Variants in CDC37L1 observed in about 807,000 individuals in gnomAD.
CDC37L1 encodes hsp90 co-chaperone Cdc37-like 1.
In CDC37L1, 32 loss-of-function variants were observed where a neutral mutation model predicts 45.9. That is an observed-to-expected ratio of 0.70 (90% CI 0.53 to 0.94). The LOEUF (loss-of-function observed/expected upper bound fraction) is 0.94, where lower values mean the gene tolerates loss of function less well. Among genes scored for constraint, CDC37L1 ranks in the 40% least tolerant of loss-of-function variants. The probability of loss-of-function intolerance (pLI) is 0.00; values close to 1 mark genes in which losing one functional copy is unlikely to be tolerated. For missense variants in CDC37L1, 434 were observed against 405.7 expected (o/e 1.07, Z -0.60); for synonymous variants, 150 against 133.0 (o/e 1.13, Z -0.88).
chr9:4,703,589 C>A (rs1262368040), intron 6 of CDC37L1, among the ~76,000 whole-genome samples: 1 of 151,992 alleles, frequency 6.6e-6, no homozygotes, highest in Admixed American at 6.6e-5. Context: ...ACTGTGAAAT[C>A]CAATATATAA....
intron 6 of CDC37L1, chr9:4,703,204 A>C (rs1841415908): frequency 7.9e-7 from 1 of 1,258,942 alleles, no homozygotes; most frequent in African/African-American, 1.5e-5. Flanking sequence ...AAACCTCATA[A>C]AGTGCTAAAA....
chr9:4,687,402 G>A (rs12349904), intron 2 of CDC37L1, among the ~76,000 whole-genome samples: 3,629 of 152,224 alleles, frequency 0.024, 116 homozygotes, highest in African/African-American at 0.072. Flanking sequence ...CAAAGGGCCA[G>A]GCACAGTGGC....
intron 2 of CDC37L1, among the ~76,000 whole-genome samples, chr9:4,687,406 C>G (rs1841256909): frequency 6.6e-6 from 1 of 152,148 alleles, no homozygotes; most frequent in African/African-American, 2.4e-5. Flanking sequence ...GGGCCAGGCA[C>G]AGTGGCTCAT....
chr9:4,682,866 C>T (rs1333571833), intron 1 of CDC37L1, among the ~76,000 whole-genome samples: 6 of 151,276 alleles, frequency 4.0e-5, no homozygotes, highest in Admixed American at 4.0e-4. Flanking sequence ...CTGTTTTAAG[C>T]ATAGCTAGTC....
chr9:4,687,678 CAAAAAAAAA>C (rs59932144), intron 2 of CDC37L1, among the ~76,000 whole-genome samples: 4 of 58,408 alleles, frequency 6.8e-5, no homozygotes, highest in Admixed American at 6.7e-4. Flanking sequence ...GACCCCATCT[CAAAAAAAAA>C]AAAAAAAAAA....
chr9:4,696,495 A>C (rs112498313), intron 3 of CDC37L1, among the ~76,000 whole-genome samples: 2 of 151,812 alleles, frequency 1.3e-5, no homozygotes, highest in African/African-American at 4.8e-5. Flanking sequence ...GAAAAAAAAG[A>C]AGAGAAAAAA....
chr9:4,697,299 T>A, intron 4 of CDC37L1, 88 bp downstream of exon 4: 2 of 692,106 alleles, frequency 2.9e-6, no homozygotes, highest in South Asian at 1.7e-5. Flanking sequence ...TTTTCTACAT[T>A]AAGTCCTTTA....
rs779441172 is a variant in CDC37L1, at chr9:4,701,972, A to G, written c.856A>G (p.Asn286Asp). 139 of 1,553,390 alleles carry G rather than the reference A, an allele frequency of 8.9e-5. No homozygotes were observed. Among genetic ancestry groups the G allele is most frequent in the Non-Finnish European group, 1.2e-4 (134 of 1,154,446 alleles). Residue 286 changes from asparagine to aspartate, a missense_variant, in exon 6 of 7, where the codon AAT (asparagine) becomes GAT (aspartate). Asn to Asp is a conservative substitution (Grantham distance 23). Coordinates refer to ENST00000381854, the MANE Select transcript of CDC37L1 (RefSeq NM_017913.4). Reference protein sequence around the residue: ...SQSFQPMTVQNHVPHSGVGSI... With the variant: ...SQSFQPMTVQDHVPHSGVGSI... ...AAGTTTTCAACCTATGACAGTTCAG[A>G]ATCATGTTCCCCATTCTGGTGTTGG...
intron 3 of CDC37L1, among the ~76,000 whole-genome samples, chr9:4,693,946 C>A (rs2130849513): frequency 6.6e-6 from 1 of 152,138 alleles, no homozygotes; most frequent in East Asian, 1.9e-4. Context: ...TGAACCTGGG[C>A]CATTTAGCTC....
At chr9:4,690,073 A>T (rs956141946) in intron 3 of CDC37L1, among the ~76,000 whole-genome samples, 7 of 152,178 alleles carry the variant, frequency 4.6e-5, no homozygotes, top group African/African-American at 1.7e-4. Flanking sequence ...AAGTGTTGTA[A>T]CCCATCTGGC....
chr9:4,681,074 A>G (rs1168009505), intron 1 of CDC37L1, among the ~76,000 whole-genome samples: 2 of 152,212 alleles, frequency 1.3e-5, no homozygotes, highest in Non-Finnish European at 2.9e-5. Context: ...TTGGATCACT[A>G]GTGTCATCTT....
intron 3 of CDC37L1, among the ~76,000 whole-genome samples, chr9:4,690,432 C>T (rs997811708): frequency 3.9e-5 from 6 of 152,016 alleles, no homozygotes; most frequent in African/African-American, 7.2e-5. Context: ...TGGTGTTTTT[C>T]GCTACTAGTA....
intron 6 of CDC37L1, 63 bp downstream of exon 6, chr9:4,702,091 TG>T (rs1452120047): frequency 2.4e-5 from 20 of 825,624 alleles, no homozygotes; most frequent in Non-Finnish European, 3.5e-5. Context: ...TTTGTTATTT[TG>T]CCCCACTCTT....
At chr9:4,695,743 G>A (rs749557061) in intron 3 of CDC37L1, among the ~76,000 whole-genome samples, 2 of 152,004 alleles carry the variant, frequency 1.3e-5, no homozygotes, top group Non-Finnish European at 2.9e-5. Flanking sequence ...CCATTCCTCT[G>A]GCCTCAGCCT....
rs1841166621 is a variant in CDC37L1 at position 4,679,649 on chromosome 9, A to G, written c.-119A>G. 3 of 928,350 alleles carry G rather than the reference A, an allele frequency of 3.2e-6. No individual in the cohort carries two copies. The highest frequency in any genetic ancestry group is 4.7e-6 in the Non-Finnish European group (3 of 641,094). 57.5% of individuals were successfully genotyped at this position (928,350 alleles called of 1,614,324 possible). On this transcript the variant is annotated 5_prime_UTR_variant, in exon 1 of 7. Coordinates refer to ENST00000381854, the MANE Select transcript of CDC37L1 (RefSeq NM_017913.4). ...CGCGGCCAGTAGAGGGATTCTGGGTAACGGCCCGGACCCCCGGCTGGGCTT... is the reference window on the plus strand; with the variant it reads ...CGCGGCCAGTAGAGGGATTCTGGGTGACGGCCCGGACCCCCGGCTGGGCTT...
At chr9:4,703,117 T>C in intron 6 of CDC37L1, 1 of 1,537,402 alleles carries the variant, frequency 6.5e-7, no homozygotes, top group Non-Finnish European at 8.8e-7. Context: ...CTTTAGCCAG[T>C]TTAATCTGTT....
At position 4,685,174 on chromosome 9, in the gene CDC37L1, G is replaced by A; in HGVS notation, c.414+16G>A. The A allele has an allele frequency of 1.3e-6, 2 of 1,596,122 alleles. No individual in the cohort carries two copies. The highest frequency in any genetic ancestry group is 1.7e-6 in the Non-Finnish European group (2 of 1,165,958). ...TTTTAATAAGGTATGAGCTTTTACT[G>A]GGCCATAATGAAAGAAGAAAAACTG... On this transcript the variant is annotated intron_variant, in intron 2 of 6. Transcript: ENST00000381854.
At chr9:4,688,966 AT>A (rs1036022310) in intron 3 of CDC37L1, among the ~76,000 whole-genome samples, 1 of 151,540 alleles carries the variant, frequency 6.6e-6, no homozygotes, top group African/African-American at 2.4e-5. Flanking sequence ...AAGATTATTC[AT>A]TTTTTTTCAG....
At position 4,706,196 on chromosome 9, in the gene CDC37L1, C is replaced by T; in HGVS notation, c.*84C>T. ...TATTTTCTTGACACTTTTATGGGTG[C>T]TGCACTTTATTTTTGTTCGGTTTTT... On this transcript the variant is annotated 3_prime_UTR_variant, in exon 7 of 7. Coordinates refer to ENST00000381854, the MANE Select transcript of CDC37L1 (RefSeq NM_017913.4). 1.6e-6 allele frequency: 1 copy of T among 629,030 alleles called. No homozygotes were observed. The highest frequency in any genetic ancestry group is 2.9e-6 in the Non-Finnish European group (1 of 343,432). The allele number at this position is 629,030 out of a possible 1,614,324, so 39.0% of individuals were successfully genotyped here.
Sources: allele counts gnomAD v4.1 joint callset (sites outside exome capture counted in the v4.1 genomes callset), GRCh38; gene constraint gnomAD v4.1.1; transcripts MANE v1.5; gene names NCBI Gene and HGNC (gene_info 2026-07-23, HGNC 2026-07-21).